Variants in SLC4A10 observed in about 807,000 individuals in gnomAD.
SLC4A10 encodes solute carrier family 4 member 10.
In SLC4A10, 42 loss-of-function variants were observed where a neutral mutation model predicts 137.7. The ratio of observed to expected loss-of-function variants is 0.30; its 90% confidence interval spans 0.24 to 0.39. SLC4A10 has a LOEUF of 0.39. Among genes scored for constraint, SLC4A10 ranks in the 10% least tolerant of loss-of-function variants. The probability of loss-of-function intolerance (pLI) is 1.00; values close to 1 mark genes in which losing one functional copy is unlikely to be tolerated. For missense variants in SLC4A10, 925 were observed against 1,355.0 expected (o/e 0.68, Z 4.98); for synonymous variants, 474 against 464.1 (o/e 1.02, Z -0.27).
At chr2:161,694,542 CT>C (rs1180055649) in intron 1 of SLC4A10, among the ~76,000 whole-genome samples, 1 of 150,920 alleles carries the variant, frequency 6.6e-6, no homozygotes, top group Admixed American at 6.6e-5. Context: ...GAGGAATTTA[CT>C]TTAGAAGTAA....
At chr2:161,635,946 G>A (rs188023950) in intron 1 of SLC4A10, among the ~76,000 whole-genome samples, 1 of 152,090 alleles carries the variant, frequency 6.6e-6, no homozygotes, top group Non-Finnish European at 1.5e-5. Context: ...TTTATTTTGG[G>A]CATTGTCTCC....
At chr2:161,672,145 A>G (rs950812786) in intron 1 of SLC4A10, among the ~76,000 whole-genome samples, 1 of 152,176 alleles carries the variant, frequency 6.6e-6, no homozygotes, top group African/African-American at 2.4e-5. Flanking sequence ...TCAGTTCATT[A>G]AAGACCTGGT....
At chr2:161,807,368 A>G (rs927917346) in intron 3 of SLC4A10, among the ~76,000 whole-genome samples, 10 of 152,168 alleles carry the variant, frequency 6.6e-5, no homozygotes, top group African/African-American at 2.2e-4. Flanking sequence ...GCCCATGTAC[A>G]TGACATAACT....
intron 3 of SLC4A10, among the ~76,000 whole-genome samples, chr2:161,822,752 A>T (rs2057726720): frequency 6.6e-6 from 1 of 151,398 alleles, no homozygotes; most frequent in Non-Finnish European, 1.5e-5. Context: ...AGAAACACAG[A>T]TCACTTGAGG....
intron 1 of SLC4A10, among the ~76,000 whole-genome samples, chr2:161,734,018 A>G (rs1223487160): frequency 6.6e-6 from 1 of 152,198 alleles, no homozygotes; most frequent in Non-Finnish European, 1.5e-5. Flanking sequence ...CATTGTATCT[A>G]GGAAGTAACT....
intron 1 of SLC4A10, among the ~76,000 whole-genome samples, chr2:161,696,085 C>A (rs1283443810): frequency 1.3e-5 from 2 of 151,476 alleles, no homozygotes; most frequent in African/African-American, 4.9e-5. Flanking sequence ...CACGACAGGC[C>A]CCGTGTGTGA....
At chr2:161,866,537 A>G (rs2060762137) in intron 6 of SLC4A10, among the ~76,000 whole-genome samples, 1 of 151,998 alleles carries the variant, frequency 6.6e-6, no homozygotes, top group South Asian at 2.1e-4. Flanking sequence ...TGTGAGAATT[A>G]AATGTCTGAT....
chr2:161,701,847 A>C (rs897107341), intron 1 of SLC4A10, among the ~76,000 whole-genome samples: 3 of 143,290 alleles, frequency 2.1e-5, no homozygotes. Flanking sequence ...TCAAAACCAC[A>C]ACGAGATACC....
intron 1 of SLC4A10, among the ~76,000 whole-genome samples, chr2:161,635,385 A>G (rs887583221): frequency 1.3e-5 from 2 of 152,154 alleles, no homozygotes; most frequent in African/African-American, 4.8e-5. Context: ...AAACACTCTT[A>G]TACTAAGCAG....
At chr2:161,755,127 T>C (rs1259815317) in intron 1 of SLC4A10, among the ~76,000 whole-genome samples, 1 of 152,216 alleles carries the variant, frequency 6.6e-6, no homozygotes, top group Admixed American at 6.5e-5. Context: ...ATCAGACTCA[T>C]TGAACACAAT....
chr2:161,703,898 G>T (rs1215482056), intron 1 of SLC4A10, among the ~76,000 whole-genome samples: 1 of 151,604 alleles, frequency 6.6e-6, no homozygotes, highest in Non-Finnish European at 1.5e-5. Context: ...TTGATTATTT[G>T]CCATAATAAT....
intron 1 of SLC4A10, among the ~76,000 whole-genome samples, chr2:161,759,535 T>G (rs1399474005): frequency 1.3e-5 from 2 of 152,006 alleles, no homozygotes; most frequent in Non-Finnish European, 2.9e-5. Context: ...GCTTATATGA[T>G]TTTGACTTTT....
chr2:161,861,999 TA>T (rs1310170365), intron 5 of SLC4A10, among the ~76,000 whole-genome samples: 2 of 152,172 alleles, frequency 1.3e-5, no homozygotes, highest in Admixed American at 1.3e-4. Flanking sequence ...TGTTAATGCC[TA>T]AAAAACAATT....
intron 1 of SLC4A10, among the ~76,000 whole-genome samples, chr2:161,729,719 A>G (rs970873842): frequency 6.6e-6 from 1 of 152,224 alleles, no homozygotes; most frequent in East Asian, 1.9e-4. Flanking sequence ...AAAAGTTAGC[A>G]AACTAGAATT....
At chr2:161,767,217 CATAT>C (rs72199258) in intron 1 of SLC4A10, among the ~76,000 whole-genome samples, 2 of 92,362 alleles carry the variant, frequency 2.2e-5, no homozygotes, top group African/African-American at 7.0e-5. Flanking sequence ...TATATATACA[CATAT>C]ATATATATAT....
chr2:161,661,511 T>C (rs1339245320), intron 1 of SLC4A10, among the ~76,000 whole-genome samples: 5 of 152,244 alleles, frequency 3.3e-5, no homozygotes, highest in Non-Finnish European at 5.9e-5. Flanking sequence ...ATGACAGTAT[T>C]GAAACTGAAT....
At chr2:161,933,373 T>C (rs141096544) in intron 15 of SLC4A10, among the ~76,000 whole-genome samples, 8 of 151,448 alleles carry the variant, frequency 5.3e-5, no homozygotes, top group Admixed American at 2.6e-4. Flanking sequence ...TCTCTTTCTC[T>C]CTTTGTTTCT....
chr2:161,759,279 A>C (rs1159576708), intron 1 of SLC4A10, among the ~76,000 whole-genome samples: 3 of 152,000 alleles, frequency 2.0e-5, no homozygotes, highest in African/African-American at 7.2e-5. Context: ...TACCACAATC[A>C]AGTTAATCAA....
rs78532210 is a variant in SLC4A10, at chr2:161,725,112, T to C, written c.49-45861T>C. Among the ~76,000 whole-genome samples, 174 of 152,332 alleles carry C rather than the reference T, an allele frequency of 1.1e-3. 2 individuals carry two copies. The East Asian group carries it at 0.028, about 24-fold the overall frequency. On this transcript the variant is annotated intron_variant, in intron 1 of 26. Transcript: ENST00000446997. ...TGAGCAAATATGGCCTAAATCGCTT[T>C]GAACACTAGTAGGAATTCATATTGG...
Sources: allele counts gnomAD v4.1 joint callset (sites outside exome capture counted in the v4.1 genomes callset), GRCh38; gene constraint gnomAD v4.1.1; transcripts MANE v1.5; gene names NCBI Gene and HGNC (gene_info 2026-07-23, HGNC 2026-07-21).